BRF1: variants seen among roughly 807,000 people sequenced by gnomAD.
The protein encoded by BRF1 is BRF1 general transcription factor IIIB subunit.
BRF1 carries 59 observed loss-of-function variants against 81.7 expected under a neutral mutation model. The ratio of observed to expected loss-of-function variants is 0.72; its 90% CI spans 0.59 to 0.90. BRF1 has a LOEUF of 0.90. Among genes scored for constraint, BRF1 ranks in the 40% least tolerant of loss-of-function variants. The probability of loss-of-function intolerance (pLI) is 0.00; values close to 1 mark genes in which losing one functional copy is unlikely to be tolerated. For synonymous variants in BRF1, 491 were observed against 395.6 expected, an observed-to-expected ratio of 1.24 and a Z score of -2.86; for missense variants, 1,050 against 936.3, an observed-to-expected ratio of 1.12 and a Z score of -1.58.
At chr14:105,215,417 C>T (rs1171569275) in intron 15 of BRF1, among the ~76,000 whole-genome samples, 3 of 152,018 alleles carry the variant, frequency 2.0e-5, no homozygotes, top group Admixed American at 1.3e-4. Context: ...CACATGCACA[C>T]ACACTATGTG....
intron 5 of BRF1, 137 bp from the exon 6 acceptor site, chr14:105,241,551 G>A: frequency 8.8e-7 from 1 of 1,139,078 alleles, no homozygotes; most frequent in Non-Finnish European, 1.2e-6. Flanking sequence ...CCCCTCCCCT[G>A]GACAAAGCCT....
intron 15 of BRF1, among the ~76,000 whole-genome samples, chr14:105,213,747 A>G (rs1402566978): frequency 6.6e-6 from 1 of 152,182 alleles, no homozygotes; most frequent in Non-Finnish European, 1.5e-5. Flanking sequence ...CAGCTGTGCC[A>G]GGCCTCACCC....
rs188755317 is a variant in BRF1, at chr14:105,287,794, T to C, written c.185-1418A>G. Among the ~76,000 whole-genome samples the C allele has an allele frequency of 2.9e-3, 435 of 152,286 alleles. 3 individuals are homozygous for C. The highest frequency in any genetic ancestry group is 9.9e-3 in the African/African-American group (412 of 41,552). On this transcript the variant is annotated intron_variant, in intron 1 of 17. Coordinates refer to ENST00000547530, the MANE Select transcript of BRF1 (RefSeq NM_001519.4). The stretch of plus-strand genomic sequence containing the variant: ...CCAGTAAAATGATTCTAAAGTTCAG[T>C]TGGAAGCAAAAAGGAATTAGAGCAG...
At chr14:105,211,636 C>G in intron 16 of BRF1, 1 of 371,236 alleles carries the variant, frequency 2.7e-6, no homozygotes, top group Non-Finnish European at 4.9e-6. Context: ...GGGGCTTGGC[C>G]TGCCCTGACC....
rs11324486 is a variant in BRF1, at chr14:105,211,899, CG to C, written c.1824+213del. 4.2e-3 allele frequency: 2,723 copies of C among 649,458 alleles called. 68 individuals carry two copies. The African/African-American group carries it at 0.045, about 11-fold the overall frequency. The allele number at this position is 649,458 out of a possible 1,614,324, so 40.2% of individuals were successfully genotyped here. The stretch of plus-strand genomic sequence containing the variant: ...CGAGCGCTGAGCAGCAGGCACACAA[CG>C]GTCCCCACTTCCTGCCCGCTCCTGC... On this transcript the variant is annotated intron_variant, in intron 16 of 17. Coordinates refer to ENST00000547530, the MANE Select transcript of BRF1 (RefSeq NM_001519.4).
intron 2 of BRF1, among the ~76,000 whole-genome samples, chr14:105,281,590 G>A (rs1375203749): frequency 3.3e-5 from 5 of 152,130 alleles, no homozygotes; most frequent in African/African-American, 9.7e-5. Context: ...CTGATGAGTC[G>A]ATGTGGGGCG....
At chr14:105,281,119 C>T (rs1467797600) in intron 2 of BRF1, among the ~76,000 whole-genome samples, 9 of 141,488 alleles carry the variant, frequency 6.4e-5, no homozygotes, top group South Asian at 2.3e-4. Context: ...ATACAGCCTG[C>T]GTGACCCTGA....
intron 5 of BRF1, chr14:105,241,616 A>G (rs1595350636): frequency 1.5e-6 from 1 of 668,680 alleles, no homozygotes; most frequent in Non-Finnish European, 2.5e-6. Context: ...GCCACTGGCC[A>G]CCTGCTGCCA....
intron 2 of BRF1, among the ~76,000 whole-genome samples, chr14:105,275,740 T>C (rs931264867): frequency 6.6e-6 from 1 of 152,234 alleles, no homozygotes; most frequent in Non-Finnish European, 1.5e-5. Flanking sequence ...AATGTCTGAC[T>C]CCTAAAATTC....
chr14:105,226,953 A>C, intron 7 of BRF1, 193 bp from the exon 8 acceptor site: 1 of 665,216 alleles, frequency 1.5e-6, no homozygotes. Context: ...TACCCAAAAA[A>C]AAAAAAAAAA....
intron 5 of BRF1, chr14:105,250,755 C>A: frequency 7.3e-7 from 1 of 1,367,500 alleles, no homozygotes; most frequent in Non-Finnish European, 1.0e-6. Context: ...CCATGAAAGG[C>A]TGCTCTTAAC....
At chr14:105,247,366 C>T in intron 5 of BRF1, 5 of 985,464 alleles carry the variant, frequency 5.1e-6, no homozygotes, top group Non-Finnish European at 6.0e-6. Flanking sequence ...CCTGGGGGCT[C>T]GGGCACCCCA....
At chr14:105,212,385 G>C in intron 15 of BRF1, 2 of 568,556 alleles carry the variant, frequency 3.5e-6, no homozygotes, top group Non-Finnish European at 6.2e-6. Flanking sequence ...AGCAGCACTC[G>C]ACACAAACAC....
chr14:105,251,240 C>A (rs1017973691), intron 5 of BRF1: 1 of 156,264 alleles, frequency 6.4e-6, no homozygotes, highest in African/African-American at 2.4e-5. Context: ...CCAGTGAAGC[C>A]CATCTGTCCC....
chr14:105,217,609 C>G lies in BRF1; in HGVS notation c.1707G>C (p.Lys569Asn). 6.2e-7 allele frequency: 1 copy of G among 1,613,452 alleles called. No individual in the cohort carries two copies. The highest frequency in any genetic ancestry group is 1.1e-5 in the South Asian group (1 of 91,090). ...AQPEHSASAR[K>N]LSRRRTPASR... ...TGGCCGGCGTCCTCCTTCGTGACAG[C>G]TTCCTGGCACTGGCGCTATGCTCGG... The change falls in exon 15 of 18, where the codon AAG (lysine) becomes AAC (asparagine). Residue 569 changes from lysine to asparagine, a missense_variant. By Grantham distance (94) the Lys-to-Asn change is moderately conservative. Around this residue, in one of 2 missense-constraint regions of BRF1, gnomAD observed 1,043 missense variants for 915.4 expected, o/e 1.14. Coordinates refer to ENST00000547530, the MANE Select transcript of BRF1 (RefSeq NM_001519.4).
chr14:105,245,231 A>T (rs2735824), intron 5 of BRF1, among the ~76,000 whole-genome samples: 1 of 151,874 alleles, frequency 6.6e-6, no homozygotes, highest in Non-Finnish European at 1.5e-5. Context: ...CATGGTGGCA[A>T]GTGCCTGTAA....
chr14:105,248,556 G>GGCGGGTGCGGGTGCGGGTACGGGT, intron 5 of BRF1: 3 of 828,328 alleles, frequency 3.6e-6, no homozygotes, highest in Non-Finnish European at 4.3e-6. Flanking sequence ...CCGGCGCCGC[G>GGCGGGTGCGGGTGCGGGTACGGGT]GCGGGTACGG....
intron 10 of BRF1, among the ~76,000 whole-genome samples, chr14:105,225,207 C>T (rs1892892743): frequency 6.6e-6 from 1 of 152,202 alleles, no homozygotes; most frequent in African/African-American, 2.4e-5. Flanking sequence ...TACCTCCTGC[C>T]TCTGTTCTCA....
At chr14:105,272,966 C>G (rs1183356486) in intron 2 of BRF1, 72 bp from the exon 3 acceptor site, 35 of 1,454,636 alleles carry the variant, frequency 2.4e-5, no homozygotes, top group Non-Finnish European at 3.0e-5. Context: ...ACGGCCACAG[C>G]AGCAACTTTA....
Sources: allele counts gnomAD v4.1 joint callset (sites outside exome capture counted in the v4.1 genomes callset), GRCh38; gene constraint gnomAD v4.1.1; regional missense constraint gnomAD v4.1.1; transcripts MANE v1.5; gene names NCBI Gene and HGNC (gene_info 2026-07-23, HGNC 2026-07-21).